Variants in SPOCK1 observed in about 807,000 individuals in gnomAD.
SPOCK1 encodes testican-1.
A neutral mutation model predicts 55.3 loss-of-function variants in SPOCK1; 23 were observed. The observed-to-expected ratio is 0.42, with a 90% CI of 0.30 to 0.59. The LOEUF is 0.59. Ranked by LOEUF, SPOCK1 falls within the 20% of genes least tolerant of loss-of-function variation. The pLI is 0.22. For synonymous variants in SPOCK1, 226 were observed against 221.0 expected, an observed-to-expected ratio of 1.02 and a Z score of -0.20; for missense variants, 499 against 552.5, an observed-to-expected ratio of 0.90 and a Z score of 0.97.
At chr5:137,015,206 C>A (rs1171558127) in intron 6 of SPOCK1, among the ~76,000 whole-genome samples, 1 of 151,696 alleles carries the variant, frequency 6.6e-6, no homozygotes, top group Non-Finnish European at 1.5e-5. Flanking sequence ...CTTTGGGAGG[C>A]CGAGGTGGGC....
chr5:137,353,115 C>T (rs768196297), intron 2 of SPOCK1, among the ~76,000 whole-genome samples: 1 of 152,146 alleles, frequency 6.6e-6, no homozygotes, highest in Non-Finnish European at 1.5e-5. Flanking sequence ...TGTGGTGGCT[C>T]ACTCCTGTAA....
At chr5:136,987,632 G>T (rs1307831146) in intron 8 of SPOCK1, among the ~76,000 whole-genome samples, 1 of 152,058 alleles carries the variant, frequency 6.6e-6, no homozygotes, top group Non-Finnish European at 1.5e-5. Flanking sequence ...GTTTTTTGTT[G>T]TGTGTGTATT....
chr5:137,411,043 G>A (rs1008027030), intron 2 of SPOCK1, among the ~76,000 whole-genome samples: 2 of 152,194 alleles, frequency 1.3e-5, no homozygotes, highest in East Asian at 1.9e-4. Context: ...GGCATCATGG[G>A]TTCCAGCCAG....
At position 136,976,192 on chromosome 5, in the gene SPOCK1, CAT is replaced by C. The variant is rs1393438588; in HGVS notation, c.*2460_*2461del. ...GATCTTTAAAAAAATCGAATGCTGT[CAT>C]GTCAAAGTGAGGCATGAAAAGTATT... On this transcript the variant is annotated 3_prime_UTR_variant, in exon 11 of 11. Coordinates refer to ENST00000394945, the MANE Select transcript of SPOCK1 (RefSeq NM_004598.4). 6.6e-6 allele frequency: 1 copy of C among 152,170 alleles called. No individual in the cohort carries two copies. The highest frequency in any genetic ancestry group is 2.4e-5 in the African/African-American group (1 of 41,440). 9.4% of individuals were successfully genotyped at this position (152,170 alleles called of 1,614,324 possible). A position where few individuals can be genotyped will look rare whatever the true frequency, so the allele number is the denominator to read the frequency against.
chr5:137,121,184 A>G (rs943657024), intron 4 of SPOCK1, among the ~76,000 whole-genome samples: 3 of 152,240 alleles, frequency 2.0e-5, no homozygotes, highest in African/African-American at 7.2e-5. Flanking sequence ...TGTACGTCCC[A>G]TAACATACAT....
At chr5:137,497,214 G>A (rs1034193514) in intron 2 of SPOCK1, among the ~76,000 whole-genome samples, 6 of 152,208 alleles carry the variant, frequency 3.9e-5, no homozygotes, top group African/African-American at 9.7e-5. Flanking sequence ...CAAAGAGTCT[G>A]TAAACCATGC....
At chr5:137,438,289 G>A (rs552123909) in intron 2 of SPOCK1, among the ~76,000 whole-genome samples, 1 of 152,082 alleles carries the variant, frequency 6.6e-6, no homozygotes, top group Non-Finnish European at 1.5e-5. Flanking sequence ...GAGTAGATGA[G>A]TTCAAGATAT....
intron 2 of SPOCK1, among the ~76,000 whole-genome samples, chr5:137,293,728 A>G (rs1043978009): frequency 2.0e-5 from 3 of 152,228 alleles, no homozygotes; most frequent in African/African-American, 7.2e-5. Flanking sequence ...TAAAACTTTC[A>G]ACGATGCACC....
intron 2 of SPOCK1, among the ~76,000 whole-genome samples, chr5:137,285,796 T>C (rs1375689559): frequency 2.0e-5 from 3 of 152,126 alleles, no homozygotes; most frequent in Admixed American, 6.5e-5. Flanking sequence ...GGGAGATATT[T>C]GTAAGAGGGG....
intron 2 of SPOCK1, among the ~76,000 whole-genome samples, chr5:137,396,332 A>C (rs993556300): frequency 1.6e-4 from 25 of 152,278 alleles, no homozygotes; most frequent in Non-Finnish European, 7.3e-5. Context: ...GTATGATACA[A>C]CTAAGGATTT....
chr5:137,416,063 A>G (rs1752320720), intron 2 of SPOCK1, among the ~76,000 whole-genome samples: 1 of 152,196 alleles, frequency 6.6e-6, no homozygotes, highest in African/African-American at 2.4e-5. Context: ...AATCAGCCAG[A>G]GGAAAAATAG....
At chr5:137,301,942 C>T (rs913513956) in intron 2 of SPOCK1, among the ~76,000 whole-genome samples, 2 of 152,136 alleles carry the variant, frequency 1.3e-5, no homozygotes, top group East Asian at 1.9e-4. Context: ...CTGACATCCA[C>T]GAGCCCACTC....
chr5:137,094,377 A>G (rs1561606820), intron 5 of SPOCK1, among the ~76,000 whole-genome samples: 1 of 152,246 alleles, frequency 6.6e-6, no homozygotes, highest in Non-Finnish European at 1.5e-5. Context: ...ATTCAAGTAC[A>G]GGCAAACTTC....
chr5:136,986,926 C>T (rs1750853033), intron 8 of SPOCK1, among the ~76,000 whole-genome samples: 15 of 152,014 alleles, frequency 9.9e-5, no homozygotes, highest in Admixed American at 9.8e-4. Context: ...AAAGTTCACA[C>T]AGGGAAAGAA....
chr5:137,032,030 C>A (rs1751791088), intron 6 of SPOCK1, among the ~76,000 whole-genome samples: 1 of 147,326 alleles, frequency 6.8e-6, no homozygotes, highest in Non-Finnish European at 1.5e-5. Context: ...TATATATTCC[C>A]CATATATATA....
At chr5:137,459,536 G>C (rs1580938903) in intron 2 of SPOCK1, among the ~76,000 whole-genome samples, 1 of 150,830 alleles carries the variant, frequency 6.6e-6, no homozygotes, top group Admixed American at 6.6e-5. Context: ...ACTATCTGAA[G>C]AGCTGACCGG....
At chr5:137,458,407 A>G (rs1341068462) in intron 2 of SPOCK1, among the ~76,000 whole-genome samples, 1 of 152,222 alleles carries the variant, frequency 6.6e-6, no homozygotes, top group Non-Finnish European at 1.5e-5. Flanking sequence ...TGTTTTTGTA[A>G]TAAGAGAAAC....
intron 2 of SPOCK1, among the ~76,000 whole-genome samples, chr5:137,399,989 T>A (rs1355261832): frequency 6.6e-6 from 1 of 152,100 alleles, no homozygotes; most frequent in East Asian, 1.9e-4. Context: ...AGGTCAACAT[T>A]TCCTGAAAAT....
At chr5:137,272,747 C>G (rs1190602203) in intron 2 of SPOCK1, among the ~76,000 whole-genome samples, 6 of 130,836 alleles carry the variant, frequency 4.6e-5, no homozygotes, top group Admixed American at 1.7e-4. Flanking sequence ...CCCCCACCCC[C>G]CAACACACAC....
Sources: gnomAD v4.1 joint callset for allele counts (sites outside exome capture counted in the v4.1 genomes callset) on GRCh38, gnomAD v4.1.1 for gene constraint, MANE v1.5 for transcripts, NCBI Gene and HGNC (gene_info 2026-07-23, HGNC 2026-07-21) for gene names.